The following TRAF3 variants were observed in gnomAD, a reference collection of about 807,000 sequenced individuals.
TRAF3 encodes TNF receptor-associated factor 3.
In TRAF3, 13 loss-of-function variants were observed where a neutral mutation model predicts 62.3. That is an observed-to-expected ratio of 0.21 (90% confidence interval 0.14 to 0.33). TRAF3 has a LOEUF of 0.33. Ranked by LOEUF, TRAF3 falls within the 10% of genes least tolerant of loss-of-function variation. TRAF3 has a pLI of 1.00. For missense variants in TRAF3, 440 were observed against 741.8 expected, an observed-to-expected ratio of 0.59 and a Z score of 4.73; for synonymous variants, 269 against 283.4, an observed-to-expected ratio of 0.95 and a Z score of 0.51.
intron 1 of TRAF3, among the ~76,000 whole-genome samples, chr14:102,783,928 G>C (rs1042984762): frequency 6.6e-6 from 1 of 152,190 alleles, no homozygotes; most frequent in African/African-American, 2.4e-5. Flanking sequence ...AGATGGATGG[G>C]AAAGCATTGT....
chr14:102,872,982 G>T (rs1041958033), intron 4 of TRAF3, among the ~76,000 whole-genome samples: 1 of 152,050 alleles, frequency 6.6e-6, no homozygotes, highest in Admixed American at 6.6e-5. Context: ...ATGAGCCACC[G>T]CACCCAGCAA....
chr14:102,860,445 T>C (rs1053120567), intron 2 of TRAF3, among the ~76,000 whole-genome samples: 4 of 152,178 alleles, frequency 2.6e-5, no homozygotes, highest in Admixed American at 6.5e-5. Flanking sequence ...TCCCAGGCTG[T>C]TAGAGCTTGA....
chr14:102,816,243 C>G (rs899760639), intron 1 of TRAF3, among the ~76,000 whole-genome samples: 1 of 152,000 alleles, frequency 6.6e-6, no homozygotes, highest in African/African-American at 2.4e-5. Flanking sequence ...GCTGGGACTA[C>G]GAGCACATGC....
intron 1 of TRAF3, among the ~76,000 whole-genome samples, chr14:102,825,144 G>A (rs552954458): frequency 3.1e-4 from 47 of 152,330 alleles, no homozygotes; most frequent in Admixed American, 7.2e-4. Context: ...TGAGGACACC[G>A]GGCCGTGCCT....
intron 1 of TRAF3, among the ~76,000 whole-genome samples, chr14:102,791,270 C>T (rs536617825): frequency 6.6e-6 from 1 of 152,210 alleles, no homozygotes; most frequent in African/African-American, 2.4e-5. Context: ...CCACCCACCT[C>T]GGCCTCCCAA....
Position 102,817,439 on chromosome 14 carries a change from C to G in TRAF3, c.-156-12895C>G, listed in dbSNP as rs114679514. Reference sequence around the variant, plus strand: ...GTGCTGGGGACACATTAGCACTTACCGTGCTCTGGAAGGCAGGGTGTTCAG... The same window carrying G: ...GTGCTGGGGACACATTAGCACTTACGGTGCTCTGGAAGGCAGGGTGTTCAG... On this transcript the variant is annotated intron_variant, in intron 1 of 11. Transcript: ENST00000392745. 4.6e-5 allele frequency among the ~76,000 whole-genome samples: 7 copies of G among 151,958 alleles called. No homozygotes were observed. In the South Asian group the frequency reaches 1.2e-3, roughly 27 times the overall value.
intron 1 of TRAF3, among the ~76,000 whole-genome samples, chr14:102,814,299 G>T (rs569599999): frequency 2.6e-5 from 4 of 152,244 alleles, no homozygotes; most frequent in African/African-American, 9.6e-5. Flanking sequence ...ACACATACCA[G>T]TTGTTTTATA....
intron 1 of TRAF3, among the ~76,000 whole-genome samples, chr14:102,778,337 A>G (rs1013650781): frequency 1.3e-5 from 2 of 151,770 alleles, no homozygotes; most frequent in Non-Finnish European, 2.9e-5. Flanking sequence ...GGCCGGTTCC[A>G]CGCCGCCAGC....
chr14:102,800,991 C>T (rs1898375258), intron 1 of TRAF3, among the ~76,000 whole-genome samples: 1 of 147,908 alleles, frequency 6.8e-6, no homozygotes, highest in South Asian at 2.1e-4. Context: ...ACGGTGAAAC[C>T]CCGTCTCTAC....
intron 1 of TRAF3, among the ~76,000 whole-genome samples, chr14:102,789,913 C>A (rs1032605461): frequency 4.6e-5 from 7 of 151,848 alleles, no homozygotes; most frequent in Non-Finnish European, 8.8e-5. Flanking sequence ...CTGCAATCTC[C>A]GCCTCCTGGG....
chr14:102,788,614 A>G (rs1201736649), intron 1 of TRAF3, among the ~76,000 whole-genome samples: 1 of 152,204 alleles, frequency 6.6e-6, no homozygotes, highest in Non-Finnish European at 1.5e-5. Context: ...CCTGGCCAAC[A>G]TGGTGAAACC....
chr14:102,850,844 A>T (rs1201192331), intron 2 of TRAF3, among the ~76,000 whole-genome samples: 1 of 152,058 alleles, frequency 6.6e-6, no homozygotes, highest in African/African-American at 2.4e-5. Context: ...TTTTCTTAGC[A>T]CTGTCTTTGC....
intron 6 of TRAF3, among the ~76,000 whole-genome samples, chr14:102,881,645 C>A (rs1889075955): frequency 6.6e-6 from 1 of 152,132 alleles, no homozygotes; most frequent in African/African-American, 2.4e-5. Flanking sequence ...CTTAATAATA[C>A]CTAGGTGGTG....
chr14:102,847,441 C>G (rs1310817043), intron 2 of TRAF3, among the ~76,000 whole-genome samples: 5 of 152,156 alleles, frequency 3.3e-5, no homozygotes, highest in Non-Finnish European at 5.9e-5. Context: ...TCCCAAAGTG[C>G]TGGGATTACA....
chr14:102,897,479 C>A, intron 10 of TRAF3, 78 bp downstream of exon 10: 3 of 1,567,848 alleles, frequency 1.9e-6, no homozygotes, highest in Admixed American at 1.7e-5. Flanking sequence ...TCTTAGCAAA[C>A]TCTTTGAGCT....
intron 1 of TRAF3, among the ~76,000 whole-genome samples, chr14:102,786,755 C>T (rs907281709): frequency 4.6e-5 from 7 of 151,964 alleles, no homozygotes; most frequent in Middle Eastern, 3.2e-3. Flanking sequence ...GAGGATGAGG[C>T]GGGGGGATCG....
rs1208572182 is a variant in TRAF3, at chr14:102,907,946, TC to T, written c.*2165del. On this transcript the variant is annotated 3_prime_UTR_variant, in exon 12 of 12. Transcript: ENST00000392745. The stretch of plus-strand genomic sequence containing the variant: ...TGCAGAAGCTGCGGAAAACTACTGT[TC>T]CCTCGAAGGTGTCCCCCACCTGAGG... 2.0e-5 allele frequency: 3 copies of T among 152,396 alleles called. No individual in the cohort carries two copies. The highest frequency in any genetic ancestry group is 4.4e-5 in the Non-Finnish European group (3 of 68,058). 9.4% of individuals were successfully genotyped at this position (152,396 alleles called of 1,614,324 possible).
intron 1 of TRAF3, among the ~76,000 whole-genome samples, chr14:102,795,033 G>T (rs1897995691): frequency 6.6e-6 from 1 of 152,132 alleles, no homozygotes; most frequent in Non-Finnish European, 1.5e-5. Flanking sequence ...GCTTCATTGA[G>T]AAAATATAAG....
chr14:102,788,518 G>C (rs968329551), intron 1 of TRAF3, among the ~76,000 whole-genome samples: 1 of 152,068 alleles, frequency 6.6e-6, no homozygotes, highest in African/African-American at 2.4e-5. Context: ...GAATTAGCTT[G>C]GTTGGGTGTG....
Sources: allele counts gnomAD v4.1 joint callset (sites outside exome capture counted in the v4.1 genomes callset), GRCh38; gene constraint gnomAD v4.1.1; transcripts MANE v1.5; gene names NCBI Gene and HGNC (gene_info 2026-07-23, HGNC 2026-07-21).